Variants in ANK2 observed in about 807,000 individuals in gnomAD.
ANK2 encodes ankyrin 2.
A neutral mutation model predicts 360.5 loss-of-function variants in ANK2; 83 were observed. The ratio of observed to expected loss-of-function variants is 0.23; its 90% confidence interval spans 0.19 to 0.28. ANK2 has a LOEUF of 0.28. Among genes scored for constraint, ANK2 ranks in the 10% least tolerant of loss-of-function variants. The pLI is 1.00. For synonymous variants in ANK2, 1,740 were observed against 1,759.5 expected, an observed-to-expected ratio of 0.99 and a Z score of 0.28; for missense variants, 4,201 against 4,795.7, an observed-to-expected ratio of 0.88 and a Z score of 3.66.
chr4:113,032,116 G>T (rs574298855), intron 2 of ANK2, among the ~76,000 whole-genome samples: 2 of 152,088 alleles, frequency 1.3e-5, no homozygotes, highest in African/African-American at 4.8e-5. Flanking sequence ...GCATTATTTT[G>T]ATGCTAATTA....
intron 4 of ANK2, among the ~76,000 whole-genome samples, chr4:113,218,399 T>C (rs2099110987): frequency 6.6e-6 from 1 of 152,006 alleles, no homozygotes; most frequent in African/African-American, 2.4e-5. Context: ...GTTTTAATTT[T>C]TGAATTGCCC....
chr4:112,740,034 C>A, the ANK2 span, among the ~76,000 whole-genome samples: 1 of 152,008 alleles, frequency 6.6e-6, no homozygotes, highest in South Asian at 2.1e-4. Context: ...AGTTAAAAAT[C>A]TTTGTTGCAG....
intron 4 of ANK2, among the ~76,000 whole-genome samples, chr4:113,200,907 G>A (rs1471375181): frequency 1.3e-5 from 2 of 152,034 alleles, no homozygotes; most frequent in Admixed American, 1.3e-4. Flanking sequence ...GGCTAGGGGA[G>A]GGATAGTATT....
the ANK2 span, among the ~76,000 whole-genome samples, chr4:112,776,971 T>C: frequency 3.3e-5 from 5 of 152,156 alleles, no homozygotes; most frequent in South Asian, 4.1e-4. Flanking sequence ...TCAAACCAAA[T>C]TTATATCCTG....
At chr4:113,214,323 G>C (rs957643286) in intron 4 of ANK2, 1 of 995,198 alleles carries the variant, frequency 1.0e-6, no homozygotes, top group Non-Finnish European at 1.6e-6. Flanking sequence ...GGCACAGTTA[G>C]TGCAGCGAAT....
chr4:113,093,837 T>G (rs1295428864), intron 1 of ANK2, among the ~76,000 whole-genome samples: 1 of 152,232 alleles, frequency 6.6e-6, no homozygotes, highest in Non-Finnish European at 1.5e-5. Context: ...CTCCATTAAA[T>G]AATTCACTGG....
At chr4:112,947,544 A>G (rs1173980751) in intron 2 of ANK2, among the ~76,000 whole-genome samples, 5 of 152,172 alleles carry the variant, frequency 3.3e-5, no homozygotes, top group Non-Finnish European at 7.4e-5. Context: ...GAACATTAAT[A>G]TATAAAATGA....
At chr4:112,740,787 C>T in the ANK2 span, among the ~76,000 whole-genome samples, 3 of 151,878 alleles carry the variant, frequency 2.0e-5, no homozygotes, top group Admixed American at 6.6e-5. Flanking sequence ...GCCAAAAGTT[C>T]GAGACCAGGC....
At chr4:113,105,822 AC>A (rs1234151076) in intron 1 of ANK2, among the ~76,000 whole-genome samples, 5 of 152,202 alleles carry the variant, frequency 3.3e-5, no homozygotes, top group African/African-American at 1.2e-4. Flanking sequence ...ACTAGATTTA[AC>A]TTAATGTGTA....
the ANK2 span, among the ~76,000 whole-genome samples, chr4:112,806,307 T>C: frequency 4.6e-5 from 7 of 152,204 alleles, no homozygotes; most frequent in Non-Finnish European, 7.3e-5. Context: ...GTGAAATTTG[T>C]CTTTCTGTGC....
chr4:113,360,141 G>T (rs2096112508), intron 38 of ANK2, among the ~76,000 whole-genome samples: 1 of 152,154 alleles, frequency 6.6e-6, no homozygotes, highest in Admixed American at 6.6e-5. Flanking sequence ...CAATCAGTGG[G>T]AGTTAAACAT....
chr4:112,913,319 T>G (rs1000333346), intron 2 of ANK2, among the ~76,000 whole-genome samples: 1 of 152,232 alleles, frequency 6.6e-6, no homozygotes, highest in Non-Finnish European at 1.5e-5. Context: ...ACTAGTATAA[T>G]TATTTTTCCT....
Position 113,087,521 on chromosome 4 carries a change from A to T in ANK2, c.84+37709A>T, listed in dbSNP as rs570880570. Among the ~76,000 whole-genome samples the T allele has an allele frequency of 5.3e-5, 8 of 152,246 alleles. No homozygotes were observed. The East Asian group carries it at 1.5e-3, about 29-fold the overall frequency. ...ACTAAACTCATTGTTTTCCTGTGTT[A>T]TTTTTTGCTGCTCCTTTAAGCAGCA... On this transcript the variant is annotated intron_variant, in intron 1 of 45. Transcript: ENST00000357077.
chr4:113,233,184 G>GAGTGC (rs762320604), intron 5 of ANK2, among the ~76,000 whole-genome samples: 5 of 123,800 alleles, frequency 4.0e-5, no homozygotes, highest in Non-Finnish European at 8.0e-5. Context: ...GCCCAGGCTG[G>GAGTGC]AGTGCAGTGG....
chr4:113,092,721 T>TAC (rs2089087260), intron 1 of ANK2, among the ~76,000 whole-genome samples: 1 of 152,202 alleles, frequency 6.6e-6, no homozygotes, highest in Non-Finnish European at 1.5e-5. Context: ...CTACCTCCTA[T>TAC]TATTATAAGG....
At chr4:113,375,534 G>T (rs1485034219) in intron 45 of ANK2, among the ~76,000 whole-genome samples, 2 of 151,924 alleles carry the variant, frequency 1.3e-5, no homozygotes, top group African/African-American at 4.8e-5. Flanking sequence ...GACCATCCTG[G>T]CTAACACGGT....
the ANK2 span, among the ~76,000 whole-genome samples, chr4:112,761,096 C>T: frequency 6.6e-6 from 1 of 151,890 alleles, no homozygotes; most frequent in African/African-American, 2.4e-5. Context: ...CATGAACCAC[C>T]GCACCCGGCC....
At chr4:112,706,442 A>G in the ANK2 span, among the ~76,000 whole-genome samples, 1 of 152,040 alleles carries the variant, frequency 6.6e-6, no homozygotes, top group African/African-American at 2.4e-5. Context: ...CTAGAAAAAT[A>G]CACGTCTTCC....
At chr4:113,008,861 A>G (rs2053792806) in intron 2 of ANK2, among the ~76,000 whole-genome samples, 1 of 152,044 alleles carries the variant, frequency 6.6e-6, no homozygotes, top group Non-Finnish European at 1.5e-5. Flanking sequence ...TGTCCCACAG[A>G]CTCAGCCTGT....
Sources: allele counts gnomAD v4.1 joint callset (sites outside exome capture counted in the v4.1 genomes callset), GRCh38; gene constraint gnomAD v4.1.1; transcripts MANE v1.5; gene names NCBI Gene and HGNC (gene_info 2026-07-23, HGNC 2026-07-21).